The following PIEZO1 variants were observed in gnomAD, a reference collection of about 807,000 sequenced individuals.
PIEZO1 encodes piezo type mechanosensitive ion channel component 1 (Er blood group).
In PIEZO1, 296 loss-of-function variants were observed where a neutral mutation model predicts 297.2. The ratio of observed to expected loss-of-function variants is 1.00; its 90% CI spans 0.91 to 1.10. The LOEUF (loss-of-function observed/expected upper bound fraction) is 1.10, where lower values mean the gene tolerates loss of function less well. PIEZO1 is among the 50% of genes least tolerant of loss of function. The pLI, the probability that PIEZO1 is intolerant of heterozygous loss-of-function variation, is 0.00. For synonymous variants in PIEZO1, 2,427 were observed against 1,507.5 expected (o/e 1.61, Z -14.13); for missense variants, 5,018 against 3,455.5 (o/e 1.45, Z -11.34).
intron 1 of PIEZO1, among the ~76,000 whole-genome samples, chr16:88,757,319 C>CGGGGGGGGGGG (rs1221139366): frequency 2.0e-4 from 2 of 10,244 alleles, no homozygotes; most frequent in Non-Finnish European, 3.9e-4. Context: ...GCGTTGCTGG[C>CGGGGGGGGGGG]GGGGGGGTGG....
Position 88,741,557 on chromosome 16 carries a change from A to C in PIEZO1, c.386T>G (p.Leu129Trp), listed in dbSNP as rs760257277. 4 of 1,535,466 alleles carry C rather than the reference A, an allele frequency of 2.6e-6. No homozygotes were observed. Among genetic ancestry groups the C allele is most frequent in the Non-Finnish European group, 2.6e-6 (3 of 1,146,692 alleles). The change falls in exon 5 of 51, where the codon TTG (leucine) becomes TGG (tryptophan). Residue 129 changes from leucine to tryptophan, a missense_variant. Coordinates refer to ENST00000301015, the MANE Select transcript of PIEZO1 (RefSeq NM_001142864.4). ...IRLVAPDLGI[L>W]VVSSVCLGIC... is the part of the protein sequence containing the mutation. ...GCCGAGGCAGACAGAGGAGACCACC[A>C]AGATGCCCAGGTCAGGGGCCACCAG... is the stretch of plus-strand genomic sequence containing the variant.
chr16:88,726,114 T>C (rs1000132183), intron 27 of PIEZO1, 170 bp downstream of exon 27: 1 of 615,412 alleles, frequency 1.6e-6, no homozygotes, highest in African/African-American at 1.8e-5. Flanking sequence ...CAGAGTGTGA[T>C]GGTGCCGGGG....
chr16:88,721,839 C>G lies in PIEZO1; in HGVS notation c.5183G>C (p.Arg1728Pro). ...AMLSIPRPSK[R>P]FWMTAIVFTE... The stretch of plus-strand genomic sequence containing the variant: ...GAAGACGATGGCCGTCATCCAGAAG[C>G]GCTTGCTGGGCCTCGGGATCGACAG... Residue 1728 changes from arginine (R) to proline (P), a missense_variant, in exon 37 of 51, where the codon CGC becomes CCC. By Grantham distance (103) the Arg-to-Pro change is moderately radical (BLOSUM62 -2). Coordinates refer to ENST00000301015, the MANE Select transcript of PIEZO1 (RefSeq NM_001142864.4). 6.5e-6 allele frequency: 10 copies of G among 1,548,728 alleles called. No homozygotes were observed. The highest frequency in any genetic ancestry group is 8.7e-6 in the Non-Finnish European group (10 of 1,146,644).
In PIEZO1 at chr16:88,742,178, G is replaced by A. The variant is rs547182338; in HGVS notation, c.284-83C>T. The A allele has an allele frequency of 2.6e-6, 4 of 1,514,696 alleles. No individual in the cohort carries two copies. In the South Asian group the frequency reaches 3.6e-5, roughly 14 times the overall value. The allele number at this position is 1,514,696 out of a possible 1,614,324, so 93.8% of individuals were successfully genotyped here. A position where few individuals can be genotyped will look rare whatever the true frequency, so the allele number is the denominator to read the frequency against. On this transcript the variant is annotated intron_variant, in intron 3 of 50. Coordinates refer to ENST00000301015, the MANE Select transcript of PIEZO1 (RefSeq NM_001142864.4). ...GGTCATCCCTGGAGCGTTTCACCTG[G>A]ACCATCCAGGCCAGACATAAATCAG...
chr16:88,773,869 T>C (rs1210142951), intron 1 of PIEZO1, among the ~76,000 whole-genome samples: 1 of 152,118 alleles, frequency 6.6e-6, no homozygotes, highest in African/African-American at 2.4e-5. Context: ...CCACCGGAGC[T>C]TGCTCTGGGC....
Position 88,741,484 on chromosome 16 carries a change from C to T in PIEZO1, c.459G>A (p.Arg153=), listed in dbSNP as rs1214931184. ...GTGACGCAGCTGCCCTCACCAGCTCCCGTGGATGTGGGCTCTGCCGGGTGT... is the reference window on the plus strand; with the variant it reads ...GTGACGCAGCTGCCCTCACCAGCTCTCGTGGATGTGGGCTCTGCCGGGTGT... The part of the protein sequence containing the change: ...ARNTRQSPHP[R]ELDDDERDVD... The change falls in exon 5 of 51, where the codon CGG becomes CGA. Residue 153 remains arginine, a synonymous_variant. Transcript: ENST00000301015. The T allele has an allele frequency of 2.0e-6, 3 of 1,534,870 alleles. No individual in the cohort carries two copies. The highest frequency in any genetic ancestry group is 2.6e-6 in the Non-Finnish European group (3 of 1,146,374).
intron 30 of PIEZO1, 87 bp from the exon 31 acceptor site, chr16:88,724,058 G>A: frequency 1.3e-6 from 1 of 777,822 alleles, no homozygotes; most frequent in Non-Finnish European, 2.2e-6. Context: ...CAAGGCCCGA[G>A]AGCCACCCTT....
intron 1 of PIEZO1, among the ~76,000 whole-genome samples, chr16:88,752,257 C>T (rs563733143): frequency 6.6e-6 from 1 of 152,084 alleles, no homozygotes; most frequent in African/African-American, 2.4e-5. Context: ...CCAAGGCAGG[C>T]GGATCACTTG....
chr16:88,736,790 C>A, intron 10 of PIEZO1, 51 bp from the exon 11 acceptor site: 2 of 1,133,082 alleles, frequency 1.8e-6, no homozygotes, highest in African/African-American at 1.6e-5. Flanking sequence ...GCAGGCCTCC[C>A]CACCCTGACT....
intron 1 of PIEZO1, among the ~76,000 whole-genome samples, chr16:88,778,685 C>T (rs1048458450): frequency 2.6e-5 from 4 of 152,220 alleles, no homozygotes; most frequent in Non-Finnish European, 4.4e-5. Flanking sequence ...GATCCTCACC[C>T]GCACACAGGA....
chr16:88,720,635 G>T lies in PIEZO1; in HGVS notation c.5782C>A (p.Gln1928Lys), dbSNP rs1490958607. The change falls in exon 40 of 51, where the codon CAG (glutamine) becomes AAG (lysine). Residue 1928 changes from glutamine (Q) to lysine (K), a missense_variant. Coordinates refer to ENST00000301015, the MANE Select transcript of PIEZO1 (RefSeq NM_001142864.4). ...GRVRAAGRRL[Q>K]GFCLSLAQGT... ...ACTCACAGGGACAGGCAGAAGCCCT[G>T]CAGCCGCCGCCCGGCCGCCCTTACT... 2 of 1,545,760 alleles carry T rather than the reference G, an allele frequency of 1.3e-6. No individual in the cohort carries two copies. Among genetic ancestry groups the T allele is most frequent in the Non-Finnish European group, 1.7e-6 (2 of 1,145,622 alleles).
chr16:88,732,653 T>G lies in PIEZO1; in HGVS notation c.2744A>C (p.Asn915Thr), dbSNP rs543115615. Residue 915 changes from asparagine to threonine, a missense_variant, in exon 20 of 51, where the codon AAC (asparagine) becomes ACC (threonine). Coordinates refer to ENST00000301015, the MANE Select transcript of PIEZO1 (RefSeq NM_001142864.4). Reference protein sequence around the residue: ...LLYRGPVDPANWFGVRKGFPN... With the variant: ...LLYRGPVDPATWFGVRKGFPN... The stretch of plus-strand genomic sequence containing the variant: ...GAACCCTTTCCGCACCCCAAACCAG[T>G]TGGCAGGGTCCACGGGCCCCCGGTA... 1.3e-6 allele frequency: 2 copies of G among 1,549,592 alleles called. No homozygotes were observed. Among genetic ancestry groups the G allele is most frequent in the African/African-American group, 1.4e-5 (1 of 73,020 alleles).
intron 22 of PIEZO1, 170 bp from the exon 23 acceptor site, chr16:88,727,831 A>C: frequency 2.4e-6 from 1 of 423,738 alleles, no homozygotes; most frequent in Non-Finnish European, 4.2e-6. Context: ...GTGTGTTCAC[A>C]CACACAGATT....
At chr16:88,779,486 G>C (rs1907828273) in intron 1 of PIEZO1, among the ~76,000 whole-genome samples, 1 of 152,210 alleles carries the variant, frequency 6.6e-6, no homozygotes. Context: ...TGGCTAGCTT[G>C]GGAGGGAGAG....
chr16:88,756,970 G>A (rs1448993757), intron 1 of PIEZO1, among the ~76,000 whole-genome samples: 1 of 152,066 alleles, frequency 6.6e-6, no homozygotes, highest in Non-Finnish European at 1.5e-5. Flanking sequence ...CAGCTACTTG[G>A]GGGGCTGAGG....
chr16:88,734,069 G>A lies in PIEZO1; in HGVS notation c.2181-15C>T, dbSNP rs77376965. On this transcript the variant is annotated splice_polypyrimidine_tract_variant and intron_variant, in intron 16 of 50. Coordinates refer to ENST00000301015, the MANE Select transcript of PIEZO1 (RefSeq NM_001142864.4). ...CTGCATCCTGCCTGGGAGAGGGTCCGAAAATGTCATCTCCCAACTGGGTTC... is the reference window on the plus strand; with the variant it reads ...CTGCATCCTGCCTGGGAGAGGGTCCAAAAATGTCATCTCCCAACTGGGTTC... The A allele has an allele frequency of 0.12, 180,303 of 1,490,190 alleles. 12,348 individuals are homozygous for A. The highest frequency in any genetic ancestry group is 0.14 in the Non-Finnish European group (155,983 of 1,111,150). 92.3% of individuals were successfully genotyped at this position (1,490,190 alleles called of 1,614,324 possible). A position where few individuals can be genotyped will look rare whatever the true frequency, so the allele number is the denominator to read the frequency against.
At chr16:88,753,145 C>A (rs1349276561) in intron 1 of PIEZO1, among the ~76,000 whole-genome samples, 1 of 110,034 alleles carries the variant, frequency 9.1e-6, no homozygotes, top group African/African-American at 3.6e-5. Context: ...CCCTGCCCCC[C>A]CAGAGCACAA....
At chr16:88,751,688 AT>A (rs953850735) in intron 1 of PIEZO1, among the ~76,000 whole-genome samples, 1 of 139,634 alleles carries the variant, frequency 7.2e-6, no homozygotes, top group African/African-American at 2.6e-5. Context: ...AAAAAAAAAA[AT>A]CCCTAAGATC....
intron 12 of PIEZO1, 87 bp downstream of exon 12, chr16:88,736,061 C>T (rs1305167761): frequency 2.3e-6 from 3 of 1,330,532 alleles, no homozygotes; most frequent in African/African-American, 1.5e-5. Flanking sequence ...CGCTGCCACT[C>T]CCCCGGGCAA....
Sources: gnomAD v4.1 joint callset for allele counts (sites outside exome capture counted in the v4.1 genomes callset) on GRCh38, gnomAD v4.1.1 for gene constraint, MANE v1.5 for transcripts, NCBI Gene and HGNC (gene_info 2026-07-23, HGNC 2026-07-21) for gene names.